SPDL1: variants seen among roughly 807,000 people sequenced by gnomAD.
The protein encoded by SPDL1 is protein Spindly.
SPDL1 carries 85 observed loss-of-function variants against 79.5 expected under a neutral mutation model. The ratio of observed to expected loss-of-function variants is 1.07; its 90% CI spans 0.90 to 1.28. The LOEUF is 1.28. Ranked by LOEUF, SPDL1 falls within the 50% of genes most tolerant of loss-of-function variation. SPDL1 has a pLI of 0.00. For synonymous variants in SPDL1, 269 were observed against 240.3 expected (o/e 1.12, Z -1.10); for missense variants, 703 against 697.8 (o/e 1.01, Z -0.08).
At chr5:169,588,146 G>A (rs1755077183) in intron 1 of SPDL1, among the ~76,000 whole-genome samples, 1 of 152,164 alleles carries the variant, frequency 6.6e-6, no homozygotes, top group South Asian at 2.1e-4. Flanking sequence ...ATGGTGAACT[G>A]TTTAGAAGCA....
At chr5:169,602,185 A>G (rs1459243257) in intron 11 of SPDL1, among the ~76,000 whole-genome samples, 2 of 152,234 alleles carry the variant, frequency 1.3e-5, no homozygotes, top group African/African-American at 4.8e-5. Context: ...GTTTGTGACT[A>G]AAAGAAATAG....
In SPDL1 at chr5:169,588,495, G is replaced by T. The variant is rs1348115835; in HGVS notation, c.79G>T (p.Gly27Cys). 1 of 1,613,794 alleles carries T rather than the reference G, an allele frequency of 6.2e-7. No individual in the cohort carries two copies. Among genetic ancestry groups the T allele is most frequent in the South Asian group, 1.1e-5 (1 of 91,020 alleles). The stretch of plus-strand genomic sequence containing the variant: ...AGAGCGACTAAAAGCTGCACAGTAT[G>T]GTTTACAACTAGTAGAGAGTCAAAA... Reference protein sequence around the residue: ...EEERLKAAQYGLQLVESQNEL... With the variant: ...EEERLKAAQYCLQLVESQNEL... Residue 27 changes from glycine to cysteine, a missense_variant, in exon 2 of 12, where the codon GGT becomes TGT. Transcript: ENST00000265295.
Position 169,591,121 on chromosome 5 carries a change from G to A in SPDL1, c.233G>A (p.Cys78Tyr). 6.2e-7 allele frequency: 1 copy of A among 1,613,994 alleles called. No homozygotes were observed. ...LKSRMLESLS[C>Y]ECEAIKQQQK... Reference sequence around the variant, plus strand: ...AGTCGAATGTTAGAAAGTTTGAGCTGCGAATGTGAAGCTATTAAACAACAA... The same window carrying A: ...AGTCGAATGTTAGAAAGTTTGAGCTACGAATGTGAAGCTATTAAACAACAA... Residue 78 changes from cysteine to tyrosine, a missense_variant, in exon 3 of 12, where the codon TGC (cysteine) becomes TAC (tyrosine). By Grantham distance (194) the Cys-to-Tyr change is radical. Transcript: ENST00000265295.
chr5:169,594,790 G>A (rs1755507149), intron 7 of SPDL1, 109 bp downstream of exon 7: 2 of 655,600 alleles, frequency 3.1e-6, no homozygotes, highest in Middle Eastern at 5.9e-4. Context: ...TACTTATATA[G>A]TTGTTTCTAG....
rs116722952 is a variant in SPDL1 at position 169,588,693 on chromosome 5, C to T, written c.159+118C>T. On this transcript the variant is annotated intron_variant, in intron 2 of 11. Coordinates refer to ENST00000265295, the MANE Select transcript of SPDL1 (RefSeq NM_017785.5). ...TTCTGAAGATTTTAGATCTAGTTCC[C>T]GCCCTGCCCCGTCCCTGTTAAAAAA... 1,692 of 816,258 alleles carry T rather than the reference C, an allele frequency of 2.1e-3. 23 individuals are homozygous for T. The African/African-American group carries it at 0.024, about 12-fold the overall frequency. 50.6% of individuals were successfully genotyped at this position (816,258 alleles called of 1,614,324 possible). A position where few individuals can be genotyped will look rare whatever the true frequency, so the allele number is the denominator to read the frequency against.
At chr5:169,597,419 C>T (rs748637661) in intron 8 of SPDL1, among the ~76,000 whole-genome samples, 6 of 152,044 alleles carry the variant, frequency 3.9e-5, no homozygotes, top group African/African-American at 7.2e-5. Flanking sequence ...TTTCTGTCTA[C>T]GCCATTGGTC....
chr5:169,594,875 TTAGTAA>T (rs1409642857), intron 7 of SPDL1, among the ~76,000 whole-genome samples, 194 bp downstream of exon 7: 33 of 152,320 alleles, frequency 2.2e-4, no homozygotes, highest in African/African-American at 6.3e-4. Flanking sequence ...GAATAAATAT[TTAGTAA>T]TAGTATATTT....
intron 11 of SPDL1, among the ~76,000 whole-genome samples, chr5:169,603,442 A>G (rs901475624): frequency 2.6e-5 from 4 of 152,226 alleles, no homozygotes; most frequent in African/African-American, 9.6e-5. Context: ...TCATGTTAAC[A>G]TTAAAATATT....
Position 169,604,050 on chromosome 5 carries a change from A to T in SPDL1, c.1671-10A>T. 1 of 1,602,792 alleles carries T rather than the reference A, an allele frequency of 6.2e-7. No individual in the cohort carries two copies. Among genetic ancestry groups the T allele is most frequent in the East Asian group, 2.2e-5 (1 of 44,744 alleles). ...ATTTGAATTCAGAGTGGATGCTTTAATGCCTGTAGGTTAGCTGCTGAATCA... is the reference window on the plus strand; with the variant it reads ...ATTTGAATTCAGAGTGGATGCTTTATTGCCTGTAGGTTAGCTGCTGAATCA... On this transcript the variant is annotated splice_polypyrimidine_tract_variant and intron_variant, in intron 11 of 11. Transcript: ENST00000265295.
At chr5:169,584,233 T>C (rs535700736) in intron 1 of SPDL1, 1 of 152,280 alleles carries the variant, frequency 6.6e-6, no homozygotes, top group East Asian at 1.9e-4. Context: ...GTTTCAGAGA[T>C]AGCGCATAAG....
chr5:169,584,710 C>G (rs765303816), intron 1 of SPDL1, among the ~76,000 whole-genome samples: 1 of 152,126 alleles, frequency 6.6e-6, no homozygotes, highest in Non-Finnish European at 1.5e-5. Context: ...TAGGTAGATT[C>G]TAGTTCCCAT....
intron 11 of SPDL1, among the ~76,000 whole-genome samples, chr5:169,602,520 T>G (rs990659227): frequency 2.0e-5 from 3 of 152,230 alleles, no homozygotes; most frequent in African/African-American, 7.2e-5. Flanking sequence ...TACCTTAGTC[T>G]TAGAGAGTGG....
chr5:169,599,053 T>G lies in SPDL1; in HGVS notation c.1218T>G (p.Ile406Met). ...ALFESQRALD[I>M]ERKLFANERC... ...TTGAGAGCCAGCGGGCTCTAGATAT[T>G]GAGCGAAAACTTTTTGCAAATGAAA... The change falls in exon 10 of 12, where the codon ATT (isoleucine) becomes ATG (methionine). Residue 406 changes from isoleucine (I) to methionine (M), a missense_variant. Physicochemically the swap from Ile to Met is conservative, Grantham distance 10 (BLOSUM62 1). Coordinates refer to ENST00000265295, the MANE Select transcript of SPDL1 (RefSeq NM_017785.5). 1 of 1,602,408 alleles carries G rather than the reference T, an allele frequency of 6.2e-7. No homozygotes were observed. Among genetic ancestry groups the G allele is most frequent in the African/African-American group, 1.3e-5 (1 of 74,842 alleles).
At chr5:169,599,193 T>G in intron 10 of SPDL1, 34 bp downstream of exon 10, 1 of 1,262,708 alleles carries the variant, frequency 7.9e-7, no homozygotes, top group Non-Finnish European at 1.1e-6. Context: ...GTCTTTTAAA[T>G]TATGAGTAAC....
At chr5:169,588,616 C>T (rs751410985) in intron 2 of SPDL1, 41 bp downstream of exon 2, 4 of 1,539,892 alleles carry the variant, frequency 2.6e-6, no homozygotes, top group Non-Finnish European at 2.6e-6. Context: ...GTGTGCTTAG[C>T]TATTGAAGAT....
chr5:169,598,128 A>G (rs924359582), intron 8 of SPDL1, among the ~76,000 whole-genome samples: 2 of 152,184 alleles, frequency 1.3e-5, no homozygotes, highest in African/African-American at 4.8e-5. Flanking sequence ...TTTTGTTACA[A>G]AGGCCAGAAT....
chr5:169,604,314 G>A lies in SPDL1; in HGVS notation c.*107G>A. 8.6e-7 allele frequency: 1 copy of A among 1,160,482 alleles called. No individual in the cohort carries two copies. Among genetic ancestry groups the A allele is most frequent in the Non-Finnish European group, 1.2e-6 (1 of 864,058 alleles). 71.9% of individuals were successfully genotyped at this position (1,160,482 alleles called of 1,614,324 possible). On this transcript the variant is annotated 3_prime_UTR_variant, in exon 12 of 12. Transcript: ENST00000265295. Reference sequence around the variant, plus strand: ...TCACCTTCTGGGTTATTTACTCATTGTGCCAGGACCTGGCATTTTCATGTG... The same window carrying A: ...TCACCTTCTGGGTTATTTACTCATTATGCCAGGACCTGGCATTTTCATGTG...
At position 169,591,068 on chromosome 5, in the gene SPDL1, T is replaced by C. The variant is rs780728400; in HGVS notation, c.180T>C (p.Tyr60=). 5 of 1,613,324 alleles carry C rather than the reference T, an allele frequency of 3.1e-6. No individual in the cohort carries two copies. Among genetic ancestry groups the C allele is most frequent in the Admixed American group, 1.7e-5 (1 of 59,834 alleles). Residue 60 remains tyrosine (Y), a synonymous_variant, in exon 3 of 12, where the codon TAT becomes TAC. Transcript: ENST00000265295. ...TTCAGAGTTATGAACAAGAAAAATA[T>C]ACCCTTCAAAGAGAAGTTGAACTCA... The part of the protein sequence containing the change: ...TMTESYEQEK[Y]TLQREVELKS...
At position 169,594,666 on chromosome 5, in the gene SPDL1, G is replaced by C. The variant is rs1477802419; in HGVS notation, c.876G>C (p.Gln292His). 1.9e-6 allele frequency: 3 copies of C among 1,611,610 alleles called. No homozygotes were observed. The highest frequency in any genetic ancestry group is 2.5e-6 in the Non-Finnish European group (3 of 1,177,992). Residue 292 changes from glutamine (Q) to histidine (H), a missense_variant, in exon 7 of 12, where the codon CAG (glutamine) becomes CAC (histidine). Gln to His is a conservative substitution (Grantham distance 24). Coordinates refer to ENST00000265295, the MANE Select transcript of SPDL1 (RefSeq NM_017785.5). Reference sequence around the variant, plus strand: ...AGCAAAATGTATTTAACAGAGAACAGATGCAGAGAATGAAGGTATAGAACT... The same window carrying C: ...AGCAAAATGTATTTAACAGAGAACACATGCAGAGAATGAAGGTATAGAACT... ...LKKQNVFNRE[Q>H]MQRMKLQIAT...
Sources: gnomAD v4.1 joint callset for allele counts (sites outside exome capture counted in the v4.1 genomes callset) on GRCh38, gnomAD v4.1.1 for gene constraint, MANE v1.5 for transcripts, NCBI Gene and HGNC (gene_info 2026-07-23, HGNC 2026-07-21) for gene names.